Variants in HNF4A observed in about 807,000 individuals in gnomAD.
HNF4A encodes hepatocyte nuclear factor 4-alpha.
A neutral mutation model predicts 52.4 loss-of-function variants in HNF4A; 15 were observed. The observed-to-expected ratio is 0.29, with a 90% CI of 0.19 to 0.44. HNF4A has a LOEUF of 0.44. Among genes scored for constraint, HNF4A ranks in the 20% least tolerant of loss-of-function variants. HNF4A has a pLI of 1.00. For synonymous variants in HNF4A, 280 were observed against 264.4 expected (o/e 1.06, Z -0.57); for missense variants, 479 against 647.2 (o/e 0.74, Z 2.82).
chr20:44,414,757 GATTTT>G lies in HNF4A; in HGVS notation c.648+105_648+109del, dbSNP rs537106664. 3.8e-5 allele frequency: 47 copies of G among 1,222,816 alleles called. No homozygotes were observed. The African/African-American group carries it at 6.6e-4, about 17-fold the overall frequency. The allele number at this position is 1,222,816 out of a possible 1,614,324, so 75.7% of individuals were successfully genotyped here. On this transcript the variant is annotated intron_variant, in intron 5 of 9. Coordinates refer to ENST00000316099, the MANE Select transcript of HNF4A (RefSeq NM_000457.6). ...CTGGGATATAGCCGTGGACTGGCTT[GATTTT>G]ATTTTATTTAACAAAATATGTAGTG...
rs147638455 is a variant in HNF4A at position 44,429,627 on chromosome 20, A to G, written c.1387A>G (p.Ile463Val). The change falls in exon 10 of 10, where the codon ATC becomes GTC. Residue 463 changes from isoleucine to valine, a missense_variant. Ile to Val is a conservative substitution (Grantham distance 29, BLOSUM62 3). Coordinates refer to ENST00000316099, the MANE Select transcript of HNF4A (RefSeq NM_000457.6). ...CACAATCGTCAAGCCCCTCTCTGCC[A>G]TCCCCCAGCCGACCATCACCAAGCA... The G allele has an allele frequency of 3.0e-4, 489 of 1,613,804 alleles. 8 individuals carry two copies. The Middle Eastern group carries it at 0.012, about 38-fold the overall frequency.
At chr20:44,427,552 T>A (rs967049666) in intron 8 of HNF4A, among the ~76,000 whole-genome samples, 1 of 152,244 alleles carries the variant, frequency 6.6e-6, no homozygotes, top group Non-Finnish European at 1.5e-5. Context: ...TTACTCACCA[T>A]AGGCTATTAT....
Position 44,413,742 on chromosome 20 carries a change from A to G in HNF4A, c.434A>G (p.Glu145Gly), listed in dbSNP as rs2063619565. 6.2e-7 allele frequency: 1 copy of G among 1,613,832 alleles called. No individual in the cohort carries two copies. The highest frequency in any genetic ancestry group is 1.3e-5 in the African/African-American group (1 of 74,890). ...ATCAGCACTCGAAGGTCAAGCTATG[A>G]GGACAGCAGCCTGCCCTCCATCAAT... Residue 145 changes from glutamate (E) to glycine (G), a missense_variant, in exon 4 of 10, where the codon GAG (glutamate) becomes GGG (glycine). Coordinates refer to ENST00000316099, the MANE Select transcript of HNF4A (RefSeq NM_000457.6).
At chr20:44,406,377 G>C in intron 2 of HNF4A, 145 bp downstream of exon 2, 1 of 713,596 alleles carries the variant, frequency 1.4e-6, no homozygotes, top group Non-Finnish European at 2.4e-6. Context: ...AAAAGACTTT[G>C]TGAATCCAAG....
exon 1 of HNF4A, chr20:44,355,711 T>TTCCTGGTGGACGGGC: frequency 1.7e-6 from 2 of 1,147,222 alleles, no homozygotes; most frequent in South Asian, 2.5e-5. Flanking sequence ...ACTCACCGCC[T>TTCCTGGTGGACGGGC]TCCTGGTGGA....
chr20:44,355,773 GCCC>G (rs1485912210), exon 1 of HNF4A: 2 of 1,610,198 alleles, frequency 1.2e-6, no homozygotes, highest in African/African-American at 2.7e-5. Context: ...GCTCCTCCAT[GCCC>G]CCAGCTCTCC....
Position 44,430,150 on chromosome 20 carries a change from C to T in HNF4A, c.*485C>T. The T allele has an allele frequency of 6.2e-6, 1 of 160,488 alleles. No individual in the cohort carries two copies. The highest frequency in any genetic ancestry group is 1.4e-5 in the Non-Finnish European group (1 of 73,566). 9.9% of individuals were successfully genotyped at this position (160,488 alleles called of 1,614,324 possible). A position where few individuals can be genotyped will look rare whatever the true frequency, so the allele number is the denominator to read the frequency against. ...CCTTCTGCTGCTGCCCCCACCTCTG[C>T]TGCCTCCCTCTGCTGTCACCTTGCT... On this transcript the variant is annotated 3_prime_UTR_variant, in exon 10 of 10. Transcript: ENST00000316099.
chr20:44,371,425 G>A (rs914486701), intron 1 of HNF4A, among the ~76,000 whole-genome samples: 7 of 152,076 alleles, frequency 4.6e-5, no homozygotes, highest in South Asian at 2.1e-4. Context: ...TTACAGGCGC[G>A]TGCCACTACT....
chr20:44,416,006 C>G (rs542787573), intron 5 of HNF4A, among the ~76,000 whole-genome samples: 14 of 152,156 alleles, frequency 9.2e-5, no homozygotes, highest in Non-Finnish European at 1.8e-4. Context: ...CAAGATACCC[C>G]CAACCTGAGC....
intron 1 of HNF4A, among the ~76,000 whole-genome samples, chr20:44,376,752 G>A (rs1182316177): frequency 2.6e-5 from 4 of 152,094 alleles, no homozygotes; most frequent in Non-Finnish European, 5.9e-5. Flanking sequence ...TCTACCATAC[G>A]TGGCTATATA....
At chr20:44,409,071 T>C (rs917728799) in intron 3 of HNF4A, among the ~76,000 whole-genome samples, 1 of 152,088 alleles carries the variant, frequency 6.6e-6, no homozygotes, top group African/African-American at 2.4e-5. Flanking sequence ...GTCTCATCCT[T>C]ATGGGACCTT....
At chr20:44,423,887 C>A in intron 7 of HNF4A, 131 bp from the exon 8 acceptor site, 1 of 793,018 alleles carries the variant, frequency 1.3e-6, no homozygotes, top group Non-Finnish European at 2.1e-6. Context: ...TTGTTGAGGT[C>A]CCTGAATCCT....
At chr20:44,387,124 G>A (rs1365345182) in intron 1 of HNF4A, among the ~76,000 whole-genome samples, 1 of 151,822 alleles carries the variant, frequency 6.6e-6, no homozygotes, top group African/African-American at 2.4e-5. Flanking sequence ...CCAACATGGC[G>A]AAACCCCGTC....
At chr20:44,411,485 G>A (rs1422062463) in intron 3 of HNF4A, among the ~76,000 whole-genome samples, 2 of 150,088 alleles carry the variant, frequency 1.3e-5, no homozygotes, top group East Asian at 4.0e-4. Context: ...TCGGCGCCCT[G>A]ATGGGTGGGT....
chr20:44,360,659 G>A (rs1385345574), intron 1 of HNF4A, among the ~76,000 whole-genome samples: 1 of 152,130 alleles, frequency 6.6e-6, no homozygotes, highest in Non-Finnish European at 1.5e-5. Context: ...AGAGATAGGG[G>A]ATGTCAACAA....
At chr20:44,362,384 C>T (rs931282819) in intron 1 of HNF4A, among the ~76,000 whole-genome samples, 8 of 141,208 alleles carry the variant, frequency 5.7e-5, no homozygotes, top group South Asian at 2.2e-4. Context: ...TGTACCACTG[C>T]ACTCCAACCT....
At chr20:44,386,438 A>T (rs2063225424) in intron 1 of HNF4A, among the ~76,000 whole-genome samples, 1 of 152,212 alleles carries the variant, frequency 6.6e-6, no homozygotes, top group Non-Finnish European at 1.5e-5. Context: ...AAGTGCTGGG[A>T]TTACAGGTGT....
intron 1 of HNF4A, chr20:44,401,514 G>A (rs1238474412): frequency 9.3e-6 from 15 of 1,613,888 alleles, no homozygotes; most frequent in Non-Finnish European, 1.2e-5. Context: ...GTGCCCAGGT[G>A]TGCCAGTGGG....
intron 3 of HNF4A, chr20:44,407,991 A>T: frequency 8.9e-6 from 2 of 224,626 alleles, no homozygotes; most frequent in South Asian, 1.5e-4. Flanking sequence ...ACATTCTAGA[A>T]AATGGGAACA....
Sources: allele counts gnomAD v4.1 joint callset (sites outside exome capture counted in the v4.1 genomes callset), GRCh38; gene constraint gnomAD v4.1.1; transcripts MANE v1.5; gene names NCBI Gene and HGNC (gene_info 2026-07-23, HGNC 2026-07-21).